Variants in DNAJC1 observed in about 807,000 individuals in gnomAD.
DNAJC1 encodes DnaJ heat shock protein family (Hsp40) member C1.
DNAJC1 carries 58 observed loss-of-function variants against 76.6 expected under a neutral mutation model. The observed-to-expected ratio is 0.76, with a 90% CI of 0.61 to 0.94. DNAJC1 has a LOEUF of 0.94. Ranked by LOEUF, DNAJC1 falls within the 40% of genes least tolerant of loss-of-function variation. The probability of loss-of-function intolerance (pLI) is 0.00; values close to 1 mark genes in which losing one functional copy is unlikely to be tolerated. For missense variants in DNAJC1, 689 were observed against 677.3 expected (o/e 1.02, Z -0.19); for synonymous variants, 258 against 267.9 (o/e 0.96, Z 0.36).
At chr10:21,928,359 AC>A (rs1837163545) in intron 3 of DNAJC1, 146 bp downstream of exon 3, 5 of 680,810 alleles carry the variant, frequency 7.3e-6, no homozygotes, top group Non-Finnish European at 1.2e-5. Flanking sequence ...TCTGCTTCAA[AC>A]ACACATTTTT....
At position 21,985,991 on chromosome 10, in the gene DNAJC1, G is replaced by A. The variant is rs752074110; in HGVS notation, c.222+17222C>T. Among the ~76,000 whole-genome samples the A allele has an allele frequency of 5.9e-5, 9 of 152,282 alleles. 1 individual carries two copies. Among genetic ancestry groups the A allele is most frequent in the Non-Finnish European group, 1.2e-4 (8 of 68,028 alleles). ...GCCTGTAATCCCAGCACTCTGGGAA[G>A]CCGAGGCGGGCAGATCACCAGGTCA... On this transcript the variant is annotated intron_variant, in intron 1 of 11. Coordinates refer to ENST00000376980, the MANE Select transcript of DNAJC1 (RefSeq NM_022365.4).
chr10:21,912,476 AAT>A (rs1836880089), intron 6 of DNAJC1, among the ~76,000 whole-genome samples: 1 of 152,130 alleles, frequency 6.6e-6, no homozygotes, highest in Non-Finnish European at 1.5e-5. Flanking sequence ...GGAAGTAAGG[AAT>A]CTCTGTCTTA....
intron 1 of DNAJC1, among the ~76,000 whole-genome samples, chr10:21,962,459 C>CTTTTTTTT (rs34817098): frequency 3.5e-4 from 14 of 39,906 alleles, no homozygotes; most frequent in Non-Finnish European, 4.0e-4. Context: ...TATTTTATTG[C>CTTTTTTTT]TTTTTTTTTT....
At chr10:21,892,047 T>C (rs1412468678) in intron 7 of DNAJC1, among the ~76,000 whole-genome samples, 1 of 151,646 alleles carries the variant, frequency 6.6e-6, no homozygotes, top group Non-Finnish European at 1.5e-5. Flanking sequence ...TAAGGGGAGG[T>C]AAGGTTTTTA....
chr10:21,974,661 T>C (rs1838033582), intron 1 of DNAJC1, among the ~76,000 whole-genome samples: 1 of 152,198 alleles, frequency 6.6e-6, no homozygotes, highest in Non-Finnish European at 1.5e-5. Context: ...CTACACTGCC[T>C]TCGTTACCTG....
At chr10:21,773,156 T>C (rs936474809) in intron 9 of DNAJC1, among the ~76,000 whole-genome samples, 4 of 152,156 alleles carry the variant, frequency 2.6e-5, no homozygotes, top group African/African-American at 9.7e-5. Context: ...CTGCTTTTTG[T>C]TATTTTCTTT....
At chr10:21,921,975 T>A (rs1286297455) in intron 3 of DNAJC1, among the ~76,000 whole-genome samples, 2 of 152,034 alleles carry the variant, frequency 1.3e-5, no homozygotes, top group Non-Finnish European at 2.9e-5. Context: ...CAGAATTAAA[T>A]CTTCACTGAA....
intron 9 of DNAJC1, among the ~76,000 whole-genome samples, chr10:21,780,052 G>A (rs962201845): frequency 6.6e-6 from 1 of 152,124 alleles, no homozygotes; most frequent in African/African-American, 2.4e-5. Context: ...AGAAAAAAGA[G>A]TAAAAAGAAA....
At chr10:21,908,869 T>G (rs996152722) in intron 6 of DNAJC1, among the ~76,000 whole-genome samples, 1 of 151,922 alleles carries the variant, frequency 6.6e-6, no homozygotes, top group African/African-American at 2.4e-5. Context: ...GCAACTGTAT[T>G]AGTACTTAAA....
At chr10:21,877,597 T>C (rs904086652) in intron 8 of DNAJC1, among the ~76,000 whole-genome samples, 18 of 152,128 alleles carry the variant, frequency 1.2e-4, no homozygotes, top group Non-Finnish European at 2.2e-4. Flanking sequence ...CATCAAAGGA[T>C]GCAAATTAGA....
At chr10:21,883,690 G>T (rs1308286281) in intron 7 of DNAJC1, among the ~76,000 whole-genome samples, 1 of 152,148 alleles carries the variant, frequency 6.6e-6, no homozygotes, top group Non-Finnish European at 1.5e-5. Flanking sequence ...GTACACTGTA[G>T]AGGATCAGTT....
chr10:21,830,860 A>T (rs970843829), intron 8 of DNAJC1, among the ~76,000 whole-genome samples: 1 of 152,174 alleles, frequency 6.6e-6, no homozygotes, highest in Admixed American at 6.5e-5. Flanking sequence ...TTAACCAAAA[A>T]CAAAAAACTC....
chr10:21,809,564 C>T (rs1192833909), intron 8 of DNAJC1, among the ~76,000 whole-genome samples: 22 of 150,866 alleles, frequency 1.5e-4, no homozygotes, highest in Non-Finnish European at 1.5e-5. Context: ...ATATACATAA[C>T]ACATTAGATA....
At chr10:21,937,306 G>T (rs563513383) in intron 1 of DNAJC1, among the ~76,000 whole-genome samples, 1 of 152,088 alleles carries the variant, frequency 6.6e-6, no homozygotes, top group Non-Finnish European at 1.5e-5. Flanking sequence ...GTAATTAAAA[G>T]AGAGCTGGTA....
chr10:21,977,074 G>C (rs1335461791), intron 1 of DNAJC1, among the ~76,000 whole-genome samples: 1 of 152,026 alleles, frequency 6.6e-6, no homozygotes, highest in Non-Finnish European at 1.5e-5. Flanking sequence ...GCATACTAAG[G>C]CTTCTTTGTA....
Position 21,759,395 on chromosome 10 carries a change from C to G in DNAJC1, c.1371G>C (p.Pro457=). The G allele has an allele frequency of 6.2e-7, 1 of 1,614,172 alleles. No individual in the cohort carries two copies. Among genetic ancestry groups the G allele is most frequent in the Non-Finnish European group, 8.5e-7 (1 of 1,180,042 alleles). The part of the protein sequence containing the change: ...PARLLEATAK[P]EPEEKSRAKR... ...TGGCTCTGGACTTCTCCTCTGGCTCCGGCTTCGCTGTAGCCTCCAGCAGCC... is the reference window on the plus strand; with the variant it reads ...TGGCTCTGGACTTCTCCTCTGGCTCGGGCTTCGCTGTAGCCTCCAGCAGCC... Residue 457 remains proline, a synonymous_variant, in exon 11 of 12, where the codon CCG becomes CCC. Coordinates refer to ENST00000376980, the MANE Select transcript of DNAJC1 (RefSeq NM_022365.4).
At chr10:21,820,060 A>G (rs922285332) in intron 8 of DNAJC1, among the ~76,000 whole-genome samples, 2 of 152,260 alleles carry the variant, frequency 1.3e-5, no homozygotes, top group African/African-American at 4.8e-5. Context: ...CATTCTGAAT[A>G]GATACTTCTT....
At position 21,923,416 on chromosome 10, in the gene DNAJC1, T is replaced by C. The variant is rs994371690; in HGVS notation, c.372-2453A>G. 8.5e-5 allele frequency among the ~76,000 whole-genome samples: 13 copies of C among 152,130 alleles called. No individual in the cohort carries two copies. The South Asian group carries it at 1.2e-3, about 15-fold the overall frequency. On this transcript the variant is annotated intron_variant, in intron 3 of 11. Transcript: ENST00000376980. ...AGTTATTTAAGAAGAAATACTGTGTTGACAACACATAAAATTTAAAACATC... is the reference window on the plus strand; with the variant it reads ...AGTTATTTAAGAAGAAATACTGTGTCGACAACACATAAAATTTAAAACATC...
intron 6 of DNAJC1, among the ~76,000 whole-genome samples, chr10:21,913,618 A>T (rs1012139110): frequency 1.3e-5 from 2 of 152,188 alleles, no homozygotes; most frequent in Non-Finnish European, 2.9e-5. Context: ...TAATCAATTT[A>T]AAAATACCCA....
Sources: allele counts gnomAD v4.1 joint callset (sites outside exome capture counted in the v4.1 genomes callset), GRCh38; gene constraint gnomAD v4.1.1; transcripts MANE v1.5; gene names NCBI Gene and HGNC (gene_info 2026-07-23, HGNC 2026-07-21).